ACTN4: variants seen among roughly 807,000 people sequenced by gnomAD.
ACTN4 encodes actinin alpha 4.
In ACTN4, 18 loss-of-function variants were observed where a neutral mutation model predicts 114.2. That is an observed-to-expected ratio of 0.16 (90% CI 0.11 to 0.23). ACTN4 has a LOEUF of 0.23. ACTN4 is among the 10% of genes least tolerant of loss of function. ACTN4 has a pLI of 1.00. For missense variants in ACTN4, 722 were observed against 1,262.9 expected, an observed-to-expected ratio of 0.57 and a Z score of 6.49; for synonymous variants, 515 against 506.3, an observed-to-expected ratio of 1.02 and a Z score of -0.23.
intron 1 of ACTN4, among the ~76,000 whole-genome samples, chr19:38,663,263 C>T (rs894170381): frequency 6.6e-6 from 1 of 152,170 alleles, no homozygotes; most frequent in African/African-American, 2.4e-5. Flanking sequence ...GCTTCTTGGG[C>T]CCCAGAGTCC....
At chr19:38,648,191 C>T (rs1016978748) in intron 1 of ACTN4, 1 of 318,214 alleles carries the variant, frequency 3.1e-6, no homozygotes, top group Admixed American at 5.1e-5. Context: ...TCTGGGCGTG[C>T]CATTAGGGGA....
chr19:38,730,669 T>G lies in ACTN4; in HGVS notation c.*1237T>G. 1.5e-6 allele frequency: 1 copy of G among 680,122 alleles called. No homozygotes were observed. Among genetic ancestry groups the G allele is most frequent in the Non-Finnish European group, 2.5e-6 (1 of 395,664 alleles). 42.1% of individuals were successfully genotyped at this position (680,122 alleles called of 1,614,324 possible). A position where few individuals can be genotyped will look rare whatever the true frequency, so the allele number is the denominator to read the frequency against. On this transcript the variant is annotated 3_prime_UTR_variant, in exon 21 of 21. Transcript: ENST00000252699. ...TCTGCTCGAGAAGGGCTGTCGCTGT[T>G]CTTGTTTCTGAGTGAGGAGTACGCA... is the stretch of plus-strand genomic sequence containing the variant.
At position 38,727,402 on chromosome 19, in the gene ACTN4, G is replaced by A. The variant is rs756533440; in HGVS notation, c.2337+299G>A. ...TCAGCACACCCAGGCTTTGCGACCC[G>A]GTCTGTGAACCTGGACACAGACACC... On this transcript the variant is annotated intron_variant, in intron 18 of 20. Coordinates refer to ENST00000252699, the MANE Select transcript of ACTN4 (RefSeq NM_004924.6). The surrounding 1 kb of genome is among the most constrained non-coding windows in gnomAD (Gnocchi z 5.4). Among the ~76,000 whole-genome samples the A allele has an allele frequency of 5.9e-5, 9 of 152,070 alleles. No individual in the cohort carries two copies. The highest frequency in any genetic ancestry group is 8.8e-5 in the Non-Finnish European group (6 of 68,008).
At chr19:38,702,769 G>A (rs946021504) in intron 3 of ACTN4, among the ~76,000 whole-genome samples, 1 of 152,162 alleles carries the variant, frequency 6.6e-6, no homozygotes, top group African/African-American at 2.4e-5. Flanking sequence ...CTCAAAACCC[G>A]AAAGCTGTGG....
At chr19:38,725,152 C>A (rs1969189228) in intron 16 of ACTN4, among the ~76,000 whole-genome samples, 1 of 152,236 alleles carries the variant, frequency 6.6e-6, no homozygotes, top group African/African-American at 2.4e-5. Flanking sequence ...TACAGCAGTT[C>A]TGACCACCAC....
intron 3 of ACTN4, among the ~76,000 whole-genome samples, chr19:38,703,148 T>A (rs564292318): frequency 1.1e-4 from 16 of 152,166 alleles, no homozygotes; most frequent in African/African-American, 3.9e-4. Context: ...CACACAGCTG[T>A]CCTGGGCCTT....
rs765356778 is a variant in ACTN4, at chr19:38,724,153, C to T, written c.1693-4C>T. On this transcript the variant is annotated splice_region_variant and splice_polypyrimidine_tract_variant and intron_variant, in intron 14 of 20. Coordinates refer to ENST00000252699, the MANE Select transcript of ACTN4 (RefSeq NM_004924.6). The surrounding 1 kb of genome is among the most constrained non-coding windows in gnomAD (Gnocchi z 7.0). ...CCGCCCCCTCACTCCAGCTCCTCCC[C>T]TAGGGCCTGATCTCAGCCCATGACC... is the stretch of plus-strand genomic sequence containing the variant. 4.4e-5 allele frequency: 71 copies of T among 1,613,714 alleles called. No homozygotes were observed. The highest frequency in any genetic ancestry group is 5.7e-5 in the Non-Finnish European group (67 of 1,180,012).
At chr19:38,665,496 C>T (rs557542260) in intron 1 of ACTN4, among the ~76,000 whole-genome samples, 2 of 152,326 alleles carry the variant, frequency 1.3e-5, no homozygotes, top group South Asian at 4.1e-4. Context: ...GAGTCTCCCC[C>T]TCAAAGGGGC....
chr19:38,660,870 GGAATGGCTTTGCGAGC>G (rs1257140746), intron 1 of ACTN4, among the ~76,000 whole-genome samples: 1 of 152,182 alleles, frequency 6.6e-6, no homozygotes, highest in Non-Finnish European at 1.5e-5. Flanking sequence ...CTAGTGATTG[GGAATGGCTTTGCGAGC>G]GGGTGGTGAG....
rs1386312192 is a variant in ACTN4, at chr19:38,729,664, G to GTAAA, written c.*235_*238dup. On this transcript the variant is annotated 3_prime_UTR_variant, in exon 21 of 21. Transcript: ENST00000252699. The stretch of plus-strand genomic sequence containing the variant: ...ACTTGGGGCCAGCGCTTCTGGTCTG[G>GTAAA]TAAATATGTATGATGTGTTGTGCTT... 2.8e-6 allele frequency: 2 copies of GTAAA among 706,230 alleles called. No homozygotes were observed. Among genetic ancestry groups the GTAAA allele is most frequent in the Admixed American group, 4.0e-5 (2 of 49,684 alleles). 43.7% of individuals were successfully genotyped at this position (706,230 alleles called of 1,614,324 possible). A position where few individuals can be genotyped will look rare whatever the true frequency, so the allele number is the denominator to read the frequency against.
chr19:38,706,045 G>A lies in ACTN4; in HGVS notation c.486G>A (p.Glu162=). The change falls in exon 5 of 21, where the codon GAG becomes GAA. Residue 162 remains glutamate (E), a splice_region_variant and synonymous_variant. Transcript: ENST00000252699. The part of the protein sequence containing the change: ...RFAIQDISVE[E]TSAKEGLLLW... ...TCACTGTCTTTGTGTGTTTTGCAGAGACCTCGGCCAAGGAAGGGCTCCTTC... is the reference window on the plus strand; with the variant it reads ...TCACTGTCTTTGTGTGTTTTGCAGAAACCTCGGCCAAGGAAGGGCTCCTTC... 1 of 1,614,088 alleles carries A rather than the reference G, an allele frequency of 6.2e-7. No homozygotes were observed. The highest frequency in any genetic ancestry group is 8.5e-7 in the Non-Finnish European group (1 of 1,179,976).
chr19:38,675,169 A>C (rs1162103169), intron 1 of ACTN4, among the ~76,000 whole-genome samples: 3 of 152,242 alleles, frequency 2.0e-5, no homozygotes. Context: ...CTTTGTAGAC[A>C]AGCACAAACT....
intron 1 of ACTN4, among the ~76,000 whole-genome samples, chr19:38,686,545 A>G (rs1421361967): frequency 1.3e-5 from 2 of 152,220 alleles, no homozygotes; most frequent in East Asian, 1.9e-4. Flanking sequence ...CCCTAATTTT[A>G]AAACTGCCTT....
At chr19:38,721,370 C>T (rs1969034217) in intron 11 of ACTN4, among the ~76,000 whole-genome samples, 168 bp from the exon 12 acceptor site, 1 of 152,162 alleles carries the variant, frequency 6.6e-6, no homozygotes, top group Non-Finnish European at 1.5e-5. Context: ...CTTAGAGATC[C>T]CTGGAGGGTA....
At chr19:38,648,589 C>G (rs901342111) in intron 1 of ACTN4, among the ~76,000 whole-genome samples, 1 of 150,890 alleles carries the variant, frequency 6.6e-6, no homozygotes, top group African/African-American at 2.4e-5. Flanking sequence ...GTAGAGGTGC[C>G]AGGACTGGGG....
chr19:38,696,598 G>C (rs1599813931), intron 1 of ACTN4, among the ~76,000 whole-genome samples: 1 of 152,232 alleles, frequency 6.6e-6, no homozygotes, highest in Non-Finnish European at 1.5e-5. Flanking sequence ...TGGAGAAGTG[G>C]CCGTCATGGT....
intron 19 of ACTN4, 90 bp downstream of exon 19, chr19:38,728,116 T>G: frequency 6.9e-7 from 1 of 1,447,266 alleles, no homozygotes; most frequent in African/African-American, 1.4e-5. Flanking sequence ...ATCCCACCCC[T>G]GCCATCCTGT....
At chr19:38,714,377 TG>T in intron 8 of ACTN4, 91 bp from the exon 9 acceptor site, 2 of 1,171,578 alleles carry the variant, frequency 1.7e-6, no homozygotes, top group Non-Finnish European at 1.3e-6. Context: ...AGGAGTTCCG[TG>T]GGCCATGGAC....
intron 11 of ACTN4, among the ~76,000 whole-genome samples, chr19:38,720,276 C>T (rs962435314): frequency 6.6e-6 from 1 of 152,210 alleles, no homozygotes; most frequent in African/African-American, 2.4e-5. Context: ...GACCCCTTGT[C>T]CCCACTCCAG....
Sources: gnomAD v4.1 joint callset for allele counts (sites outside exome capture counted in the v4.1 genomes callset) on GRCh38, gnomAD v4.1.1 for gene constraint, Gnocchi (gnomAD v3.1) non-coding constraint, MANE v1.5 for transcripts, NCBI Gene and HGNC (gene_info 2026-07-23, HGNC 2026-07-21) for gene names.